Variants in MARCHF1 observed in about 807,000 individuals in gnomAD.
MARCHF1 encodes the protein membrane associated ring-CH-type finger 1.
MARCHF1 carries 40 observed loss-of-function variants against 54.2 expected under a neutral mutation model. That is an observed-to-expected ratio of 0.74 (90% CI 0.57 to 0.96). The LOEUF is 0.96. Ranked by LOEUF, MARCHF1 falls within the 40% of genes least tolerant of loss-of-function variation. The pLI is 0.00. For missense variants in MARCHF1, 586 were observed against 656.5 expected (o/e 0.89, Z 1.17); for synonymous variants, 236 against 236.3 (o/e 1.00, Z 0.01).
At chr4:163,778,471 A>C in intron 4 of MARCHF1, among the ~76,000 whole-genome samples, 1 of 152,176 alleles carries the variant, frequency 6.6e-6, no homozygotes, top group South Asian at 2.1e-4. Flanking sequence ...CTAAGTGAGC[A>C]TCTTTTAATG....
intron 2 of MARCHF1, among the ~76,000 whole-genome samples, chr4:164,068,417 G>A (rs529051388): frequency 2.1e-4 from 32 of 152,248 alleles, no homozygotes; most frequent in Admixed American, 1.5e-3. Context: ...GGTGGGAACC[G>A]GGGCTGTGTG....
At chr4:163,849,476 G>A (rs926265029) in intron 4 of MARCHF1, among the ~76,000 whole-genome samples, 3 of 152,138 alleles carry the variant, frequency 2.0e-5, no homozygotes, top group Admixed American at 1.3e-4. Context: ...TGGAAATGTA[G>A]GATAAGCAGG....
At chr4:164,285,519 G>A (rs1734121879) in intron 1 of MARCHF1, among the ~76,000 whole-genome samples, 1 of 151,974 alleles carries the variant, frequency 6.6e-6, no homozygotes, top group East Asian at 1.9e-4. Context: ...CTCGGCTCAC[G>A]GCAAGCTCCG....
chr4:163,612,173 A>C (rs1560973451), intron 7 of MARCHF1, 98 bp downstream of exon 7: 2 of 1,050,842 alleles, frequency 1.9e-6, no homozygotes, highest in Non-Finnish European at 2.6e-6. Flanking sequence ...AATGTAAATA[A>C]ATGTTAAGTT....
At chr4:163,538,897 T>G (rs1341255695) in intron 9 of MARCHF1, among the ~76,000 whole-genome samples, 1 of 152,202 alleles carries the variant, frequency 6.6e-6, no homozygotes, top group Non-Finnish European at 1.5e-5. Flanking sequence ...TTGACACTGG[T>G]CTTGGTCATA....
intron 4 of MARCHF1, among the ~76,000 whole-genome samples, chr4:163,848,764 C>G (rs1749559155): frequency 6.6e-6 from 1 of 152,092 alleles, no homozygotes; most frequent in Non-Finnish European, 1.5e-5. Context: ...GCATAATCTT[C>G]CAAACCCCTC....
At chr4:164,016,004 C>G (rs1322357958) in intron 2 of MARCHF1, among the ~76,000 whole-genome samples, 1 of 151,998 alleles carries the variant, frequency 6.6e-6, no homozygotes, top group Non-Finnish European at 1.5e-5. Flanking sequence ...AATATATTTG[C>G]ACTCCCATGT....
At chr4:163,631,217 GA>G (rs1742065862) in intron 5 of MARCHF1, among the ~76,000 whole-genome samples, 1 of 150,146 alleles carries the variant, frequency 6.7e-6, no homozygotes, top group Admixed American at 6.6e-5. Flanking sequence ...TTTTTTTTGA[GA>G]TGGAGTCTCT....
intron 2 of MARCHF1, among the ~76,000 whole-genome samples, chr4:164,005,071 A>G (rs901944389): frequency 6.6e-6 from 1 of 152,068 alleles, no homozygotes; most frequent in East Asian, 1.9e-4. Flanking sequence ...AAAGATAAAT[A>G]AATCAAAAGA....
intron 3 of MARCHF1, among the ~76,000 whole-genome samples, chr4:163,941,746 G>A (rs1365347835): frequency 6.6e-6 from 1 of 152,132 alleles, no homozygotes; most frequent in Non-Finnish European, 1.5e-5. Flanking sequence ...AAGGAGATAA[G>A]AGTGTTTATA....
chr4:163,535,408 AAGG>A (rs1420312312), intron 9 of MARCHF1, among the ~76,000 whole-genome samples: 1 of 152,104 alleles, frequency 6.6e-6, no homozygotes, highest in Non-Finnish European at 1.5e-5. Context: ...TTTCATGCCA[AAGG>A]TGAGCTTATT....
chr4:163,847,574 T>A (rs2111151760), intron 4 of MARCHF1, among the ~76,000 whole-genome samples: 2 of 4,228 alleles, frequency 4.7e-4, no homozygotes, highest in Non-Finnish European at 1.1e-3. Flanking sequence ...TTTTTTTTTT[T>A]TTTTTTTTTT....
intron 7 of MARCHF1, among the ~76,000 whole-genome samples, chr4:163,598,398 C>T (rs1355662201): frequency 1.3e-5 from 2 of 152,166 alleles, no homozygotes; most frequent in African/African-American, 4.8e-5. Context: ...CCCTTAATGA[C>T]AGGGATACGT....
At chr4:163,901,391 A>C (rs1193593250) in intron 3 of MARCHF1, among the ~76,000 whole-genome samples, 1 of 152,170 alleles carries the variant, frequency 6.6e-6, no homozygotes, top group East Asian at 1.9e-4. Flanking sequence ...CTTTTCATTC[A>C]GCCTATTTTA....
At chr4:164,114,557 C>T (rs1755901525) in intron 1 of MARCHF1, among the ~76,000 whole-genome samples, 2 of 151,362 alleles carry the variant, frequency 1.3e-5, no homozygotes, top group Admixed American at 1.3e-4. Context: ...AAATTAAATG[C>T]TGTGTTAAAA....
chr4:163,909,275 T>C (rs528681636), intron 3 of MARCHF1, among the ~76,000 whole-genome samples: 247 of 152,310 alleles, frequency 1.6e-3, no homozygotes, highest in Non-Finnish European at 2.8e-3. Flanking sequence ...TGTTTGAATG[T>C]GAGATGATAA....
chr4:163,919,744 T>C (rs1013460098), intron 3 of MARCHF1, among the ~76,000 whole-genome samples: 3 of 152,128 alleles, frequency 2.0e-5, no homozygotes, highest in Non-Finnish European at 4.4e-5. Context: ...GTTTTAATAA[T>C]TCAAAATATC....
intron 8 of MARCHF1, among the ~76,000 whole-genome samples, chr4:163,563,529 C>T (rs1264732747): frequency 6.6e-6 from 1 of 152,170 alleles, no homozygotes; most frequent in East Asian, 1.9e-4. Context: ...AGAAATGATC[C>T]CTCCCTACCC....
At chr4:163,585,519 G>A (rs188760386) in intron 8 of MARCHF1, 1 of 336,614 alleles carries the variant, frequency 3.0e-6, no homozygotes, top group Non-Finnish European at 5.4e-6. Flanking sequence ...TTTTAAAAAA[G>A]CATTGAAAGT....
Sources: gnomAD v4.1 joint callset for allele counts (sites outside exome capture counted in the v4.1 genomes callset) on GRCh38, gnomAD v4.1.1 for gene constraint, MANE v1.5 for transcripts, NCBI Gene and HGNC (gene_info 2026-07-23, HGNC 2026-07-21) for gene names.